Variants in AK9 observed in about 807,000 individuals in gnomAD.
AK9 encodes adenylate kinase 9.
A neutral mutation model predicts 239.6 loss-of-function variants in AK9; 191 were observed. The observed-to-expected ratio is 0.80, with a 90% CI of 0.71 to 0.90. AK9 has a LOEUF of 0.90. AK9 is among the 40% of genes least tolerant of loss of function. The pLI, the probability that AK9 is intolerant of heterozygous loss-of-function variation, is 0.00. For synonymous variants in AK9, 689 were observed against 721.0 expected (o/e 0.96, Z 0.71); for missense variants, 1,995 against 2,214.7 (o/e 0.90, Z 1.99).
chr6:109,568,612 A>G (rs1166834176), intron 21 of AK9, among the ~76,000 whole-genome samples: 1 of 152,230 alleles, frequency 6.6e-6, no homozygotes, highest in Non-Finnish European at 1.5e-5. Flanking sequence ...TGCAAAAATC[A>G]CACGCATTCC....
rs150902661 is a variant in AK9, at chr6:109,501,726, A to G, written c.4850-2486T>C. Reference sequence around the variant, plus strand: ...GACTCATCAGAGTCAGCAGAGGTCAATTAGAATCCCCAACTCAACTTCTGA... The same window carrying G: ...GACTCATCAGAGTCAGCAGAGGTCAGTTAGAATCCCCAACTCAACTTCTGA... On this transcript the variant is annotated intron_variant, in intron 35 of 40. Coordinates refer to ENST00000424296, the MANE Select transcript of AK9 (RefSeq NM_001145128.3). Among the ~76,000 whole-genome samples the G allele has an allele frequency of 3.9e-5, 6 of 152,344 alleles. No homozygotes were observed. The East Asian group carries it at 9.6e-4, about 24-fold the overall frequency.
chr6:109,662,809 CTT>C lies in AK9; in HGVS notation c.332-148_332-147del, dbSNP rs979649503. ...ATCTCTCAAAAATTTTAAATTAACA[CTT>C]AAAGTTATTGCCACATGAAGTGTAA... On this transcript the variant is annotated intron_variant, in intron 5 of 40. Coordinates refer to ENST00000424296, the MANE Select transcript of AK9 (RefSeq NM_001145128.3). The C allele has an allele frequency of 2.9e-5, 8 of 278,100 alleles. No individual in the cohort carries two copies. The Admixed American group carries it at 3.9e-4, about 13-fold the overall frequency. The allele number at this position is 278,100 out of a possible 1,614,324, so 17.2% of individuals were successfully genotyped here.
At chr6:109,672,209 G>A (rs1275834630) in intron 3 of AK9, 42 bp from the exon 4 acceptor site, 1 of 1,504,206 alleles carries the variant, frequency 6.6e-7, no homozygotes, top group Non-Finnish European at 9.2e-7. Context: ...CTGATATTAA[G>A]ATCACCAAAA....
At chr6:109,564,047 G>A (rs1462941298) in intron 23 of AK9, 33 bp downstream of exon 23, 4 of 1,521,786 alleles carry the variant, frequency 2.6e-6, no homozygotes, top group East Asian at 4.9e-5. Flanking sequence ...ATCACCTGCT[G>A]TTGATAATAA....
At position 109,633,182 on chromosome 6, in the gene AK9, A is replaced by C. The variant is rs759453134; in HGVS notation, c.1073+2T>G. The C allele has an allele frequency of 8.8e-6, 14 of 1,582,614 alleles. No individual in the cohort carries two copies. The Admixed American group carries it at 1.2e-4, about 14-fold the overall frequency. ...AAATTAAGTTCTGAAAATCTTACTT[A>C]CCTCACAGAATAATCTGGTAATCCT... On this transcript the variant is annotated splice_donor_variant, in intron 11 of 40. Transcript: ENST00000424296. LOFTEE classifies it high-confidence loss of function.
chr6:109,638,059 C>T (rs1320952480), intron 10 of AK9, among the ~76,000 whole-genome samples: 3 of 152,150 alleles, frequency 2.0e-5, no homozygotes, highest in Non-Finnish European at 4.4e-5. Flanking sequence ...TGAATAATGA[C>T]TCCAGCATAC....
At chr6:109,647,958 T>C (rs1798313550) in intron 8 of AK9, among the ~76,000 whole-genome samples, 1 of 151,986 alleles carries the variant, frequency 6.6e-6, no homozygotes. Context: ...CTCAACTACA[T>C]GGAAACTGAA....
At chr6:109,588,358 C>T (rs1045784843) in intron 17 of AK9, among the ~76,000 whole-genome samples, 21 of 151,926 alleles carry the variant, frequency 1.4e-4, no homozygotes, top group Non-Finnish European at 2.6e-4. Context: ...CGTGAGCCAC[C>T]GCGCCCGGCT....
At chr6:109,684,059 C>G (rs1038104734) in intron 1 of AK9, among the ~76,000 whole-genome samples, 4 of 152,114 alleles carry the variant, frequency 2.6e-5, no homozygotes, top group African/African-American at 9.7e-5. Context: ...ATACATAGAC[C>G]AATGGAACAG....
chr6:109,539,485 A>T (rs555952854), intron 27 of AK9, among the ~76,000 whole-genome samples: 1 of 152,136 alleles, frequency 6.6e-6, no homozygotes, highest in Non-Finnish European at 1.5e-5. Context: ...TACACTGGTT[A>T]TTCTAGTTAG....
chr6:109,568,352 G>C (rs76064292), intron 21 of AK9, among the ~76,000 whole-genome samples: 88,444 of 151,860 alleles, frequency 0.58, 27,442 homozygotes, highest in East Asian at 0.84. Context: ...GGAAGCATTC[G>C]CTTTGAAAAC....
At chr6:109,545,700 A>G (rs1178228723) in intron 26 of AK9, among the ~76,000 whole-genome samples, 167 bp downstream of exon 26, 1 of 151,878 alleles carries the variant, frequency 6.6e-6, no homozygotes, top group African/African-American at 2.4e-5. Context: ...GGACTAATAC[A>G]CCAAGGCAGG....
chr6:109,567,432 A>T (rs4435980), intron 21 of AK9, among the ~76,000 whole-genome samples: 88,384 of 151,796 alleles, frequency 0.58, 27,422 homozygotes, highest in South Asian at 0.84. Context: ...ATTGAGGCAA[A>T]AATTAATAGC....
chr6:109,562,316 C>A (rs1049472244), intron 24 of AK9, among the ~76,000 whole-genome samples: 1 of 152,090 alleles, frequency 6.6e-6, no homozygotes, highest in African/African-American at 2.4e-5. Context: ...TATTTCATTT[C>A]ATATATTGTA....
At chr6:109,549,518 T>C (rs1784039220) in intron 25 of AK9, among the ~76,000 whole-genome samples, 1 of 152,206 alleles carries the variant, frequency 6.6e-6, no homozygotes, top group Non-Finnish European at 1.5e-5. Flanking sequence ...GGGGTTTGTC[T>C]GTGTTTGTGT....
chr6:109,505,690 T>C (rs1176258462), intron 35 of AK9, among the ~76,000 whole-genome samples: 2 of 152,196 alleles, frequency 1.3e-5, no homozygotes, highest in African/African-American at 4.8e-5. Context: ...AAACACTATA[T>C]ACCCTTTTAG....
intron 12 of AK9, among the ~76,000 whole-genome samples, chr6:109,620,780 C>CAT (rs1794714946): frequency 6.6e-6 from 1 of 151,132 alleles, no homozygotes; most frequent in South Asian, 2.1e-4. Context: ...TAATAGTATA[C>CAT]ACATATACAC....
At position 109,579,638 on chromosome 6, in the gene AK9, A is replaced by T. The variant is rs759630688; in HGVS notation, c.2115-12T>A. The T allele has an allele frequency of 1.1e-5, 17 of 1,548,506 alleles. No individual in the cohort carries two copies. The African/African-American group carries it at 2.2e-4, about 20-fold the overall frequency. ...CTTCTGTGGCTTTTCTGAAATGAAA[A>T]GGTTCAAATTTAATTATCTTTGGAA... On this transcript the variant is annotated splice_polypyrimidine_tract_variant and intron_variant, in intron 19 of 40. Transcript: ENST00000424296.
At chr6:109,618,429 G>A (rs151261510) in intron 13 of AK9, among the ~76,000 whole-genome samples, 338 of 116,082 alleles carry the variant, frequency 2.9e-3, no homozygotes, top group South Asian at 4.9e-3. Context: ...GAGAAAAACA[G>A]AAAAAAAAAA....
Sources: gnomAD v4.1 joint callset for allele counts (sites outside exome capture counted in the v4.1 genomes callset) on GRCh38, gnomAD v4.1.1 for gene constraint, MANE v1.5 for transcripts, NCBI Gene and HGNC (gene_info 2026-07-23, HGNC 2026-07-21) for gene names.